MGMT: variants seen among roughly 807,000 people sequenced by gnomAD.
MGMT encodes methylated-DNA--protein-cysteine methyltransferase.
A neutral mutation model predicts 15.9 loss-of-function variants in MGMT; 14 were observed. The ratio of observed to expected loss-of-function variants is 0.88; its 90% CI spans 0.58 to 1.37. The LOEUF (loss-of-function observed/expected upper bound fraction) is 1.37. Ranked by LOEUF, MGMT falls within the 40% of genes most tolerant of loss-of-function variation. MGMT has a pLI of 0.00. For synonymous variants in MGMT, 130 were observed against 118.2 expected (o/e 1.10, Z -0.65); for missense variants, 282 against 268.1 (o/e 1.05, Z -0.36).
chr10:129,593,183 C>G (rs1564862416), intron 2 of MGMT, among the ~76,000 whole-genome samples: 2 of 152,190 alleles, frequency 1.3e-5, no homozygotes, highest in Non-Finnish European at 2.9e-5. Context: ...ATGCCCTGCT[C>G]ATTCCCTCGA....
At position 129,770,122 on chromosome 10, in the gene MGMT, C is replaced by T. The variant is rs1453644423; in HGVS notation, c.*3125C>T. 1.3e-5 allele frequency among the ~76,000 whole-genome samples: 2 copies of T among 152,196 alleles called. No individual in the cohort carries two copies. The highest frequency in any genetic ancestry group is 2.9e-5 in the Non-Finnish European group (2 of 68,044). On this transcript the variant is annotated 3_prime_UTR_variant, in exon 5 of 5. Coordinates refer to ENST00000651593, the MANE Select transcript of MGMT (RefSeq NM_002412.5). ...AGCTTCTCTGGTGCGTCGCGCCCCA[C>T]GTGCTTCTCCAGAATCCCGTTTGGA...
At chr10:129,501,217 G>C (rs1049667158) in intron 1 of MGMT, among the ~76,000 whole-genome samples, 1 of 152,198 alleles carries the variant, frequency 6.6e-6, no homozygotes, top group Non-Finnish European at 1.5e-5. Context: ...GTACTCACTT[G>C]TTCAAAGTTG....
intron 1 of MGMT, among the ~76,000 whole-genome samples, chr10:129,527,631 A>G (rs1845885170): frequency 6.6e-6 from 1 of 151,968 alleles, no homozygotes; most frequent in Non-Finnish European, 1.5e-5. Flanking sequence ...AGCAGACTCT[A>G]TGGTTTGCCT....
At chr10:129,565,519 T>C (rs1327555871) in intron 2 of MGMT, among the ~76,000 whole-genome samples, 1 of 152,210 alleles carries the variant, frequency 6.6e-6, no homozygotes, top group East Asian at 1.9e-4. Context: ...AAAAATATAT[T>C]GAAAATGAAT....
intron 2 of MGMT, among the ~76,000 whole-genome samples, chr10:129,557,585 T>G (rs1214983877): frequency 6.6e-6 from 1 of 152,252 alleles, no homozygotes; most frequent in Non-Finnish European, 1.5e-5. Context: ...CGGTAATTAT[T>G]GTTTCAAATT....
At chr10:129,653,178 A>C (rs1308000839) in intron 2 of MGMT, among the ~76,000 whole-genome samples, 1 of 152,116 alleles carries the variant, frequency 6.6e-6, no homozygotes, top group Non-Finnish European at 1.5e-5. Flanking sequence ...ACTCTACTCC[A>C]CTGGACTTCA....
At chr10:129,565,915 C>T (rs894812579) in intron 2 of MGMT, among the ~76,000 whole-genome samples, 4 of 152,142 alleles carry the variant, frequency 2.6e-5, no homozygotes, top group East Asian at 1.9e-4. Flanking sequence ...TGGACCGGAG[C>T]GTCTTTAGAG....
intron 2 of MGMT, among the ~76,000 whole-genome samples, chr10:129,589,920 A>G (rs1006465166): frequency 1.3e-5 from 2 of 152,216 alleles, no homozygotes; most frequent in East Asian, 1.9e-4. Context: ...CTGGAGCCCA[A>G]GGGAGGGGTC....
intron 2 of MGMT, among the ~76,000 whole-genome samples, chr10:129,564,881 C>T (rs563619049): frequency 3.9e-5 from 6 of 152,192 alleles, no homozygotes; most frequent in Admixed American, 2.0e-4. Context: ...AGAACCGCCC[C>T]TCCCAGCGCC....
rs538571486 is a variant in MGMT at position 129,673,596 on chromosome 10, C to T, written c.126-34299C>T. Reference sequence around the variant, plus strand: ...TCTGCTGGAGGCTGGGGGAGGTGAGCACTGGCCAAGGACCAGCCCTCTGGT... The same window carrying T: ...TCTGCTGGAGGCTGGGGGAGGTGAGTACTGGCCAAGGACCAGCCCTCTGGT... On this transcript the variant is annotated intron_variant, in intron 2 of 4. Coordinates refer to ENST00000651593, the MANE Select transcript of MGMT (RefSeq NM_002412.5). 3.9e-5 allele frequency among the ~76,000 whole-genome samples: 6 copies of T among 152,254 alleles called. No individual in the cohort carries two copies. The East Asian group carries it at 1.2e-3, about 30-fold the overall frequency.
At chr10:129,597,484 A>AC (rs1185883655) in intron 2 of MGMT, among the ~76,000 whole-genome samples, 2 of 152,174 alleles carry the variant, frequency 1.3e-5, no homozygotes, top group African/African-American at 4.8e-5. Context: ...AAATAAAAAA[A>AC]CAAAAAAAAA....
At chr10:129,723,529 A>T (rs1052902083) in intron 3 of MGMT, among the ~76,000 whole-genome samples, 4 of 152,196 alleles carry the variant, frequency 2.6e-5, no homozygotes, top group African/African-American at 9.7e-5. Flanking sequence ...CACCAAAATA[A>T]AAAACAATGA....
intron 2 of MGMT, among the ~76,000 whole-genome samples, chr10:129,609,690 C>T (rs185472323): frequency 4.4e-4 from 67 of 152,292 alleles, no homozygotes; most frequent in African/African-American, 1.6e-3. Context: ...AGACCTGGTG[C>T]TTCTTTGCTC....
chr10:129,671,243 A>G (rs1374268733), intron 2 of MGMT, among the ~76,000 whole-genome samples: 4 of 152,232 alleles, frequency 2.6e-5, no homozygotes, highest in Non-Finnish European at 5.9e-5. Flanking sequence ...GCTGTTATCC[A>G]TACCTTGGAG....
At chr10:129,534,319 A>T (rs2119755565) in intron 1 of MGMT, among the ~76,000 whole-genome samples, 1 of 152,140 alleles carries the variant, frequency 6.6e-6, no homozygotes, top group East Asian at 2.0e-4. Context: ...TGAGATGTTG[A>T]AGGAGTGTGA....
At chr10:129,560,540 C>A (rs1322169588) in intron 2 of MGMT, among the ~76,000 whole-genome samples, 1 of 152,298 alleles carries the variant, frequency 6.6e-6, no homozygotes, top group East Asian at 1.9e-4. Flanking sequence ...CAAAACAAAC[C>A]ATGGCCTACT....
At chr10:129,581,348 C>T (rs76953493) in intron 2 of MGMT, among the ~76,000 whole-genome samples, 4,937 of 152,208 alleles carry the variant, frequency 0.032, 130 homozygotes, top group South Asian at 0.064. Flanking sequence ...TGACATGGCA[C>T]CATTGAACTT....
intron 2 of MGMT, among the ~76,000 whole-genome samples, chr10:129,542,998 C>A (rs1432072241): frequency 6.6e-6 from 1 of 152,188 alleles, no homozygotes; most frequent in East Asian, 1.9e-4. Context: ...CCTTTAGAAG[C>A]CAGACAATGG....
chr10:129,709,374 G>A (rs938739803), intron 3 of MGMT, among the ~76,000 whole-genome samples: 4 of 152,190 alleles, frequency 2.6e-5, no homozygotes, highest in Admixed American at 1.3e-4. Context: ...CTGATGGGCC[G>A]GGCACAGGGC....
Sources: gnomAD v4.1 joint callset for allele counts (sites outside exome capture counted in the v4.1 genomes callset) on GRCh38, gnomAD v4.1.1 for gene constraint, MANE v1.5 for transcripts, NCBI Gene and HGNC (gene_info 2026-07-23, HGNC 2026-07-21) for gene names.